Variants in UGT1A5 observed in about 807,000 individuals in gnomAD.
UGT1A5 encodes UDP glucuronosyltransferase family 1 member A5, also known as UDP-glucuronosyltransferase 1A5.
In UGT1A5, 29 loss-of-function variants were observed where a neutral mutation model predicts 40.3. That is an observed-to-expected ratio of 0.72 (90% CI 0.54 to 0.98). The LOEUF (loss-of-function observed/expected upper bound fraction) is 0.98. Ranked by LOEUF, UGT1A5 falls within the 50% of genes least tolerant of loss-of-function variation. The pLI is 0.00. For synonymous variants in UGT1A5, 257 were observed against 262.5 expected (o/e 0.98, Z 0.20); for missense variants, 678 against 677.9 (o/e 1.00, Z 0.00).
At chr2:233,755,270 G>A (rs1695837924) in intron 1 of UGT1A5, 1 of 756,192 alleles carries the variant, frequency 1.3e-6, no homozygotes, top group Non-Finnish European at 2.0e-6. Flanking sequence ...AGTCCACTAT[G>A]CTGGACTGCC....
In UGT1A5 at chr2:233,741,465, T is replaced by C. The variant is rs1260988830; in HGVS notation, c.868-25569T>C. The stretch of plus-strand genomic sequence containing the variant: ...ACTACTCAGTGAGTATCTTCACACA[T>C]GTAAGTTCCCTCGTCTGATGTACAA... On this transcript the variant is annotated intron_variant, in intron 1 of 4. Coordinates refer to ENST00000373414, the MANE Select transcript of UGT1A5 (RefSeq NM_019078.2). 6 of 151,930 alleles carry C rather than the reference T, an allele frequency of 3.9e-5. 1 individual carries two copies. Among genetic ancestry groups the C allele is most frequent in the African/African-American group, 1.2e-4 (5 of 41,162 alleles). 9.4% of individuals were successfully genotyped at this position (151,930 alleles called of 1,614,324 possible).
At chr2:233,742,895 G>A (rs1191973216) in intron 1 of UGT1A5, 1 of 164,996 alleles carries the variant, frequency 6.1e-6, no homozygotes, top group African/African-American at 2.4e-5. Flanking sequence ...TTTCCCAACG[G>A]AAAAAGGTAA....
At chr2:233,767,192 A>G (rs752013731) in intron 2 of UGT1A5, 27 bp downstream of exon 2, 12 of 1,613,678 alleles carry the variant, frequency 7.4e-6, no homozygotes, top group Non-Finnish European at 9.3e-6. Flanking sequence ...CCATGGCCTC[A>G]TATCTATTTT....
At chr2:233,748,116 G>A in intron 1 of UGT1A5, 1 of 1,611,622 alleles carries the variant, frequency 6.2e-7, no homozygotes, top group Admixed American at 1.7e-5. Flanking sequence ...AATGTTCCAG[G>A]CAAAACAGTT....
At chr2:233,726,124 C>T (rs1256965753) in intron 1 of UGT1A5, among the ~76,000 whole-genome samples, 1 of 152,176 alleles carries the variant, frequency 6.6e-6, no homozygotes, top group Non-Finnish European at 1.5e-5. Flanking sequence ...CATGTTCACA[C>T]CACCTCACTC....
At chr2:233,716,874 C>T (rs146573773) in intron 1 of UGT1A5, among the ~76,000 whole-genome samples, 54 of 152,252 alleles carry the variant, frequency 3.5e-4, no homozygotes, top group Admixed American at 8.5e-4. Context: ...CCAAGTCTAT[C>T]TGTGCAGCCC....
At chr2:233,770,500 A>AT (rs1700093584) in intron 4 of UGT1A5, 1 of 152,124 alleles carries the variant, frequency 6.6e-6, no homozygotes, top group Admixed American at 6.5e-5. Flanking sequence ...CCAAAAAAAT[A>AT]TAAAAAAATT....
intron 1 of UGT1A5, chr2:233,730,114 C>T: frequency 1.3e-6 from 2 of 1,562,004 alleles, no homozygotes; most frequent in South Asian, 1.2e-5. Flanking sequence ...TCTGCTTCTC[C>T]TTGTCATAAT....
At position 233,772,427 on chromosome 2, in the gene UGT1A5, C is replaced by A; in HGVS notation, c.1473C>A (p.Asp491Glu). The A allele has an allele frequency of 1.2e-6, 2 of 1,614,222 alleles. No individual in the cohort carries two copies. The highest frequency in any genetic ancestry group is 1.7e-6 in the Non-Finnish European group (2 of 1,180,048). ...CCTGGTACCAGTACCATTCCTTGGA[C>A]GTGATTGGTTTCCTCTTGGCCGTCG... is the stretch of plus-strand genomic sequence containing the variant. ...DLTWYQYHSL[D>E]VIGFLLAVVL... Residue 491 changes from aspartate to glutamate, a missense_variant, in exon 5 of 5, where the codon GAC becomes GAA. Physicochemically the swap from Asp to Glu is conservative, Grantham distance 45 (BLOSUM62 2). Transcript: ENST00000373414.
intron 3 of UGT1A5, 80 bp from the exon 4 acceptor site, chr2:233,768,140 A>T: frequency 6.2e-7 from 1 of 1,609,884 alleles, no homozygotes; most frequent in Non-Finnish European, 8.5e-7. Flanking sequence ...GAGTCTTTGG[A>T]GTGTTTTCAG....
intron 1 of UGT1A5, chr2:233,740,664 A>G (rs1345559084): frequency 6.6e-6 from 1 of 151,798 alleles, no homozygotes; most frequent in East Asian, 1.9e-4. Context: ...GTGAGAAGGT[A>G]CAGGTGTTTC....
At chr2:233,745,085 C>G (rs1165304502) in intron 1 of UGT1A5, among the ~76,000 whole-genome samples, 3 of 151,730 alleles carry the variant, frequency 2.0e-5, no homozygotes, top group East Asian at 3.8e-4. Flanking sequence ...TTTCATTGCT[C>G]TTCCCCCCAA....
intron 1 of UGT1A5, among the ~76,000 whole-genome samples, chr2:233,756,782 T>C (rs754462005): frequency 2.0e-5 from 3 of 152,090 alleles, no homozygotes; most frequent in Non-Finnish European, 4.4e-5. Context: ...CTTTGATAAA[T>C]TGTGGGGCAA....
chr2:233,743,385 C>T, intron 1 of UGT1A5: 1 of 1,211,156 alleles, frequency 8.3e-7, no homozygotes, highest in Non-Finnish European at 1.1e-6. Flanking sequence ...TACCGTAGGA[C>T]ATGCAGAAGG....
chr2:233,754,888 TC>T (rs1267337682), intron 1 of UGT1A5: 34 of 1,351,412 alleles, frequency 2.5e-5, no homozygotes, highest in Non-Finnish European at 3.4e-5. Flanking sequence ...CCCAGGGAGT[TC>T]CTCTGACCCC....
chr2:233,756,018 C>T (rs900872393), intron 1 of UGT1A5: 6 of 152,198 alleles, frequency 3.9e-5, no homozygotes, highest in African/African-American at 1.4e-4. Context: ...TGTGATATTA[C>T]ACATCCCCCA....
chr2:233,716,347 A>G (rs553481332), intron 1 of UGT1A5, among the ~76,000 whole-genome samples: 2 of 152,336 alleles, frequency 1.3e-5, no homozygotes, highest in East Asian at 1.9e-4. Flanking sequence ...CGCAACTACA[A>G]TGTAGATACT....
rs556800643 is a variant in UGT1A5 at position 233,745,736 on chromosome 2, G to A, written c.868-21298G>A. 8.6e-5 allele frequency among the ~76,000 whole-genome samples: 13 copies of A among 150,680 alleles called. No individual in the cohort carries two copies. The South Asian group carries it at 2.5e-3, about 29-fold the overall frequency. ...GAATGGCTGGAGGGTAAGAGGCAGA[G>A]GGAGGGGGCAAGCAGAAGGGGTGGA... On this transcript the variant is annotated intron_variant, in intron 1 of 4. Coordinates refer to ENST00000373414, the MANE Select transcript of UGT1A5 (RefSeq NM_019078.2).
At chr2:233,724,359 C>G (rs1387977005) in intron 1 of UGT1A5, among the ~76,000 whole-genome samples, 2 of 146,918 alleles carry the variant, frequency 1.4e-5, no homozygotes, top group South Asian at 4.6e-4. Flanking sequence ...ACCTCCCTCC[C>G]GGACGGGGTG....
Sources: allele counts gnomAD v4.1 joint callset (sites outside exome capture counted in the v4.1 genomes callset), GRCh38; gene constraint gnomAD v4.1.1; transcripts MANE v1.5; gene names NCBI Gene and HGNC (gene_info 2026-07-23, HGNC 2026-07-21).